Variants in ZNF212 observed in about 807,000 individuals in gnomAD.
The protein encoded by ZNF212 is zinc finger protein 212.
Under a neutral mutation model 47.3 loss-of-function variants are expected in ZNF212, and 32 were observed. The ratio of observed to expected loss-of-function variants is 0.68; its 90% CI spans 0.51 to 0.91. The LOEUF (loss-of-function observed/expected upper bound fraction) is 0.91. Among genes scored for constraint, ZNF212 ranks in the 40% least tolerant of loss-of-function variants. The pLI is 0.00. For missense variants in ZNF212, 555 were observed against 622.8 expected (o/e 0.89, Z 1.16); for synonymous variants, 242 against 253.8 (o/e 0.95, Z 0.44).
Position 149,255,112 on chromosome 7 carries a change from C to T in ZNF212, c.*697C>T, listed in dbSNP as rs766265846. The T allele has an allele frequency of 2.6e-5, 4 of 152,156 alleles. No homozygotes were observed. Among genetic ancestry groups the T allele is most frequent in the Non-Finnish European group, 5.9e-5 (4 of 68,068 alleles). The allele number at this position is 152,156 out of a possible 1,614,324, so 9.4% of individuals were successfully genotyped here. On this transcript the variant is annotated 3_prime_UTR_variant, in exon 5 of 5. Coordinates refer to ENST00000335870, the MANE Select transcript of ZNF212 (RefSeq NM_012256.4). ...GGTGCTAGGTTCCCTCGTGCAGTGC[C>T]TGGTGCTCTCAAATTGTCTCAAAAG...
chr7:149,253,577 A>G lies in ZNF212; in HGVS notation c.650A>G (p.Lys217Arg). Residue 217 changes from lysine (K) to arginine (R), a missense_variant, in exon 5 of 5, where the codon AAA becomes AGA. Physicochemically the swap from Lys to Arg is conservative, Grantham distance 26. Transcript: ENST00000335870. ...GAHPAGGVMI[K>R]QELQYTQEGP... ...TTTGCAGCAGGTGGGGTCATGATCA[A>G]ACAGGAGCTACAGTATACACAGGAA... 6.2e-7 allele frequency: 1 copy of G among 1,602,462 alleles called. No individual in the cohort carries two copies. The highest frequency in any genetic ancestry group is 8.5e-7 in the Non-Finnish European group (1 of 1,170,496).
At chr7:149,246,096 T>C (rs1371598394) in intron 1 of ZNF212, among the ~76,000 whole-genome samples, 4 of 152,258 alleles carry the variant, frequency 2.6e-5, no homozygotes, top group Non-Finnish European at 5.9e-5. Context: ...TGATTTACAA[T>C]CTGCAGTTTT....
intron 1 of ZNF212, among the ~76,000 whole-genome samples, chr7:149,246,499 C>T (rs1796678984): frequency 6.6e-6 from 1 of 152,110 alleles, no homozygotes; most frequent in Non-Finnish European, 1.5e-5. Context: ...TCTCTCGCCT[C>T]AACCTCCCAA....
Position 149,254,529 on chromosome 7 carries a change from T to C in ZNF212, c.*114T>C. On this transcript the variant is annotated 3_prime_UTR_variant, in exon 5 of 5. Transcript: ENST00000335870. The surrounding 1 kb of genome is among the most constrained non-coding windows in gnomAD (Gnocchi z 4.5). ...TGAGGGCAGTTGTTTGTGATTGCCT[T>C]CCCTTGTCCCAGTACCAAGCCAAGC... is the stretch of plus-strand genomic sequence containing the variant. The C allele has an allele frequency of 7.1e-7, 1 of 1,416,044 alleles. No individual in the cohort carries two copies. The highest frequency in any genetic ancestry group is 9.3e-7 in the Non-Finnish European group (1 of 1,077,446). The allele number at this position is 1,416,044 out of a possible 1,614,324, so 87.7% of individuals were successfully genotyped here. A position where few individuals can be genotyped will look rare whatever the true frequency, so the allele number is the denominator to read the frequency against.
In ZNF212 at chr7:149,254,097, C is replaced by T; in HGVS notation, c.1170C>T (p.Cys390=). The change falls in exon 5 of 5, where the codon TGC becomes TGT. Residue 390 remains cysteine, a synonymous_variant. Coordinates refer to ENST00000335870, the MANE Select transcript of ZNF212 (RefSeq NM_012256.4). The surrounding 1 kb of genome is among the most constrained non-coding windows in gnomAD (Gnocchi z 4.5). ...CKVSLVTHQR[C]HLQEGPSAGQ... ...TGAGCCTGGTGACCCATCAGCGTTG[C>T]CACCTGCAGGAGGGGCCCAGTGCCG... 1.2e-6 allele frequency: 2 copies of T among 1,613,056 alleles called. No individual in the cohort carries two copies. Among genetic ancestry groups the T allele is most frequent in the Non-Finnish European group, 1.7e-6 (2 of 1,179,524 alleles).
rs1375476850 is a variant in ZNF212, at chr7:149,254,196, C to T, written c.1269C>T (p.Ser423=). The change falls in exon 5 of 5, where the codon AGC becomes AGT. Residue 423 remains serine, a synonymous_variant. Coordinates refer to ENST00000335870, the MANE Select transcript of ZNF212 (RefSeq NM_012256.4). The surrounding 1 kb of genome is among the most constrained non-coding windows in gnomAD (Gnocchi z 4.5). ...CTGGCCACATCCCTTGGAGGAAAAG[C>T]CGGAGTTCCCTCATCTGTGGTTACT... ...ALPGHIPWRK[S]RSSLICGYCG... is the part of the protein sequence containing the mutation. 6.2e-7 allele frequency: 1 copy of T among 1,614,244 alleles called. No individual in the cohort carries two copies.
In ZNF212 at chr7:149,253,891, G is replaced by C. The variant is rs1796795971; in HGVS notation, c.964G>C (p.Glu322Gln). The C allele has an allele frequency of 1.2e-6, 2 of 1,613,912 alleles. No homozygotes were observed. Among genetic ancestry groups the C allele is most frequent in the Admixed American group, 3.3e-5 (2 of 60,012 alleles). ...CCGCCCCTACGAATGTTCTGAGTGTGAGATCACCTTCCGCTATAAGCAGCA... is the reference window on the plus strand; with the variant it reads ...CCGCCCCTACGAATGTTCTGAGTGTCAGATCACCTTCCGCTATAAGCAGCA... Reference protein sequence around the residue: ...TSRPYECSECEITFRYKQQLA... With the variant: ...TSRPYECSECQITFRYKQQLA... The change falls in exon 5 of 5, where the codon GAG becomes CAG. Residue 322 changes from glutamate (E) to glutamine (Q), a missense_variant. Glu to Gln is a conservative substitution (Grantham distance 29). Coordinates refer to ENST00000335870, the MANE Select transcript of ZNF212 (RefSeq NM_012256.4).
chr7:149,242,280 C>T (rs942743282), intron 1 of ZNF212, among the ~76,000 whole-genome samples: 7 of 151,830 alleles, frequency 4.6e-5, no homozygotes, highest in Middle Eastern at 3.4e-3. Flanking sequence ...CCTCGGCCTC[C>T]CAAAGTGCTG....
rs1010790782 is a variant in ZNF212, at chr7:149,250,495, A to G, written c.361A>G (p.Arg121Gly). The stretch of plus-strand genomic sequence containing the variant: ...GAACGTGGAGAACCTGCTGCGCAAC[A>G]GGAACTTCTGGATCCTGCGGCTGCC... ...LENVENLLRNRNFWILRLPPG... is the reference protein window; with the variant it reads ...LENVENLLRNGNFWILRLPPG... The change falls in exon 2 of 5, where the codon AGG becomes GGG. Residue 121 changes from arginine (R) to glycine (G), a missense_variant. By Grantham distance (125) the Arg-to-Gly change is moderately radical. Coordinates refer to ENST00000335870, the MANE Select transcript of ZNF212 (RefSeq NM_012256.4). 1.5e-5 allele frequency: 24 copies of G among 1,613,992 alleles called. No homozygotes were observed. The highest frequency in any genetic ancestry group is 2.0e-5 in the Non-Finnish European group (24 of 1,180,022).
At chr7:149,241,010 G>T (rs1195535013) in intron 1 of ZNF212, among the ~76,000 whole-genome samples, 1 of 152,214 alleles carries the variant, frequency 6.6e-6, no homozygotes, top group African/African-American at 2.4e-5. Context: ...GCCAGTCAAA[G>T]ACTTGGCTTT....
chr7:149,242,737 A>C (rs1796612096), intron 1 of ZNF212, among the ~76,000 whole-genome samples: 1 of 152,250 alleles, frequency 6.6e-6, no homozygotes, highest in African/African-American at 2.4e-5. Context: ...GTTGTGTTAA[A>C]AACAATTAAA....
At chr7:149,242,483 C>A (rs7455817) in intron 1 of ZNF212, among the ~76,000 whole-genome samples, 34,610 of 151,984 alleles carry the variant, frequency 0.23, 4,285 homozygotes, top group East Asian at 0.46. Flanking sequence ...TAACTGTGGT[C>A]CCATAGTTTT....
rs139639806 is a variant in ZNF212, at chr7:149,254,130, T to C, written c.1203T>C (p.His401=). The change falls in exon 5 of 5, where the codon CAT becomes CAC. Residue 401 remains histidine, a synonymous_variant. Transcript: ENST00000335870. This position sits in a 1 kb window ranked among gnomAD's most constrained non-coding sequence, Gnocchi z 4.5. ...HLQEGPSAGQ[H]VQERFSPNSL... ...AGGAGGGGCCCAGTGCCGGCCAGCATGTCCAAGAGAGGTTCTCACCCAACA... is the reference window on the plus strand; with the variant it reads ...AGGAGGGGCCCAGTGCCGGCCAGCACGTCCAAGAGAGGTTCTCACCCAACA... 7 of 1,614,074 alleles carry C rather than the reference T, an allele frequency of 4.3e-6. No individual in the cohort carries two copies. Among genetic ancestry groups the C allele is most frequent in the African/African-American group, 1.3e-5 (1 of 75,064 alleles).
chr7:149,241,741 A>G (rs1326061202), intron 1 of ZNF212, among the ~76,000 whole-genome samples: 1 of 152,232 alleles, frequency 6.6e-6, no homozygotes, highest in African/African-American at 2.4e-5. Context: ...GCATTGGCCA[A>G]ACATTCATCT....
chr7:149,248,211 G>T (rs181307730), intron 1 of ZNF212, among the ~76,000 whole-genome samples: 1 of 152,272 alleles, frequency 6.6e-6, no homozygotes, highest in Admixed American at 6.5e-5. Context: ...ATGGGTTTTG[G>T]TGAGGACAAA....
At chr7:149,241,770 G>A (rs989287220) in intron 1 of ZNF212, among the ~76,000 whole-genome samples, 1 of 152,150 alleles carries the variant, frequency 6.6e-6, no homozygotes, top group African/African-American at 2.4e-5. Context: ...TATGATTCAA[G>A]GGACCTGCAA....
chr7:149,244,434 T>A (rs914755637), intron 1 of ZNF212, among the ~76,000 whole-genome samples: 7 of 152,218 alleles, frequency 4.6e-5, no homozygotes, highest in Admixed American at 1.3e-4. Flanking sequence ...TGCCTCAGCC[T>A]CCCCAGTGGC....
chr7:149,251,912 C>A (rs911750675), intron 3 of ZNF212, among the ~76,000 whole-genome samples: 1 of 143,736 alleles, frequency 7.0e-6, no homozygotes, highest in Non-Finnish European at 1.5e-5. Context: ...CGAAATCAGC[C>A]TGGTCGACAT....
chr7:149,252,623 G>T, intron 3 of ZNF212, 83 bp from the exon 4 acceptor site: 2 of 1,223,322 alleles, frequency 1.6e-6, no homozygotes, highest in Non-Finnish European at 2.4e-6. Flanking sequence ...CCTGCCATTG[G>T]TCATCTTGGT....
Sources: allele counts gnomAD v4.1 joint callset (sites outside exome capture counted in the v4.1 genomes callset), GRCh38; gene constraint gnomAD v4.1.1; non-coding constraint Gnocchi (gnomAD v3.1); transcripts MANE v1.5; gene names NCBI Gene and HGNC (gene_info 2026-07-23, HGNC 2026-07-21).